CSMD2: variants seen among roughly 807,000 people sequenced by gnomAD.
The protein encoded by CSMD2 is CUB and Sushi multiple domains 2.
A neutral mutation model predicts 398.5 loss-of-function variants in CSMD2; 130 were observed. The ratio of observed to expected loss-of-function variants is 0.33; its 90% CI spans 0.28 to 0.38. CSMD2 has a LOEUF of 0.38. Ranked by LOEUF, CSMD2 falls within the 10% of genes least tolerant of loss-of-function variation. The pLI is 1.00. For missense variants in CSMD2, 3,829 were observed against 4,764.9 expected, an observed-to-expected ratio of 0.80 and a Z score of 5.78; for synonymous variants, 1,828 against 1,908.5, an observed-to-expected ratio of 0.96 and a Z score of 1.10.
intron 6 of CSMD2, among the ~76,000 whole-genome samples, chr1:33,830,020 T>C (rs1437790058): frequency 2.0e-5 from 3 of 152,216 alleles, no homozygotes; most frequent in Non-Finnish European, 4.4e-5. Flanking sequence ...TCGAACTGGG[T>C]GGAGTGCACC....
rs79839156 is a variant in CSMD2, at chr1:33,787,420, C to T, written c.1663+1180G>A. 9.7e-3 allele frequency among the ~76,000 whole-genome samples: 1,471 copies of T among 152,300 alleles called. 27 individuals are homozygous for T. Among genetic ancestry groups the T allele is most frequent in the African/African-American group, 0.032 (1,335 of 41,562 alleles). ...TGAAGGGACACCTTCTCCCCGCTCC[C>T]TGGGCCTGTCTCCCTAGTAGCCACC... On this transcript the variant is annotated intron_variant, in intron 12 of 70. Transcript: ENST00000373381.
intron 22 of CSMD2, among the ~76,000 whole-genome samples, chr1:33,707,695 GCACACACACACACACACACACACA>G (rs200504764): frequency 7.6e-5 from 7 of 92,032 alleles, no homozygotes; most frequent in Non-Finnish European, 1.0e-4. Flanking sequence ...GCGCGCGCGC[GCACACACACACACACACACACACA>G]CACACACACA....
intron 2 of CSMD2, among the ~76,000 whole-genome samples, chr1:34,086,020 G>GAAAAAAA (rs146332740): frequency 7.7e-6 from 1 of 130,192 alleles, no homozygotes; most frequent in Non-Finnish European, 1.6e-5. Flanking sequence ...AAGTTTCCTG[G>GAAAAAAA]AAAAAAAAAA....
At chr1:34,119,188 C>T (rs754872123) in intron 1 of CSMD2, among the ~76,000 whole-genome samples, 12 of 152,046 alleles carry the variant, frequency 7.9e-5, no homozygotes, top group Non-Finnish European at 1.5e-4. Context: ...GCCTCTTTAA[C>T]AAATGTTGTT....
chr1:33,979,531 C>T (rs988319196), intron 3 of CSMD2, among the ~76,000 whole-genome samples: 21 of 152,116 alleles, frequency 1.4e-4, no homozygotes, highest in African/African-American at 4.8e-4. Context: ...GCTGGCAGAG[C>T]GACTGTGAAT....
chr1:33,943,500 A>C (rs894043514), intron 3 of CSMD2, among the ~76,000 whole-genome samples: 3 of 152,184 alleles, frequency 2.0e-5, no homozygotes, highest in Non-Finnish European at 4.4e-5. Context: ...TGGCTGTTAG[A>C]ATCCTGAATC....
intron 6 of CSMD2, among the ~76,000 whole-genome samples, chr1:33,827,500 C>G (rs1333811234): frequency 1.3e-5 from 2 of 152,202 alleles, no homozygotes; most frequent in Admixed American, 6.5e-5. Context: ...TTCACTGAGG[C>G]CTTCCCTGAC....
chr1:33,877,205 C>T (rs1032028722), intron 5 of CSMD2, among the ~76,000 whole-genome samples: 6 of 152,072 alleles, frequency 3.9e-5, no homozygotes, highest in Non-Finnish European at 4.4e-5. Context: ...ATGGCTATGG[C>T]GCACAGCCCA....
chr1:33,928,732 C>T (rs1449788377), intron 4 of CSMD2, among the ~76,000 whole-genome samples: 5 of 152,186 alleles, frequency 3.3e-5, no homozygotes, highest in African/African-American at 4.8e-5. Context: ...GTTACCCTAT[C>T]GTAAAGAGTG....
rs769637555 is a variant in CSMD2, at chr1:33,716,045, C to A, written c.3217+241G>T. ...TAGGTGGGCCATGTTCAGAGCAAAT[C>A]CTAAACACCTTCATAGAATAAGAAT... On this transcript the variant is annotated intron_variant, in intron 20 of 70. Transcript: ENST00000373381. Among the ~76,000 whole-genome samples, 4 of 152,100 alleles carry A rather than the reference C, an allele frequency of 2.6e-5. No homozygotes were observed. In the East Asian group the frequency reaches 7.7e-4, roughly 29 times the overall value.
intron 41 of CSMD2, among the ~76,000 whole-genome samples, chr1:33,610,247 A>C (rs1640905287): frequency 1.3e-5 from 2 of 151,532 alleles, no homozygotes; most frequent in South Asian, 4.2e-4. Flanking sequence ...TTTTTTTACA[A>C]ACATGAATTA....
At chr1:33,576,159 C>CAT (rs1000092814) in intron 49 of CSMD2, among the ~76,000 whole-genome samples, 1 of 152,014 alleles carries the variant, frequency 6.6e-6, no homozygotes, top group African/African-American at 2.4e-5. Flanking sequence ...ATGTAATATT[C>CAT]ATAAAGATGG....
rs1655496908 is a variant in CSMD2, at chr1:33,533,887, G to C, written c.9900C>G (p.Phe3300Leu). The part of the protein sequence containing the change: ...QGYQVGSTVL[F>L]RCQKGYLLQG... ...GAAGCAGGTAGCCTTTTTGACAACG[G>C]AAGAGGACTGTGCTTCCAACCTGCG... The change falls in exon 63 of 71, where the codon TTC becomes TTG. Residue 3300 changes from phenylalanine (F) to leucine (L), a missense_variant. Phe to Leu is a conservative substitution (Grantham distance 22). Coordinates refer to ENST00000373381, the MANE Select transcript of CSMD2 (RefSeq NM_001281956.2). This position sits in a 1 kb window ranked among gnomAD's most constrained non-coding sequence, Gnocchi z 4.2. The C allele has an allele frequency of 6.2e-7, 1 of 1,613,548 alleles. No homozygotes were observed.
chr1:33,864,454 G>A (rs780396958), intron 5 of CSMD2: 18 of 1,613,660 alleles, frequency 1.1e-5, no homozygotes, highest in Middle Eastern at 3.3e-4. Flanking sequence ...CGGAGAAAGC[G>A]GGATCCCCAG....
At chr1:33,538,248 T>G (rs529851542) in intron 60 of CSMD2, among the ~76,000 whole-genome samples, 1 of 152,328 alleles carries the variant, frequency 6.6e-6, no homozygotes, top group South Asian at 2.1e-4. Flanking sequence ...GAACTTATTA[T>G]TTTTAAAGGG....
chr1:33,894,677 C>T (rs904675068), intron 5 of CSMD2, among the ~76,000 whole-genome samples: 9 of 152,182 alleles, frequency 5.9e-5, no homozygotes, highest in Non-Finnish European at 2.9e-5. Flanking sequence ...GTCACCTGTG[C>T]TTCCTAATAG....
At chr1:34,092,533 G>T (rs974771974) in intron 1 of CSMD2, among the ~76,000 whole-genome samples, 1 of 152,180 alleles carries the variant, frequency 6.6e-6, no homozygotes, top group Non-Finnish European at 1.5e-5. Flanking sequence ...GACAGTGGGC[G>T]CAGGTCAGTG....
chr1:33,911,624 G>C (rs548254101), intron 5 of CSMD2, among the ~76,000 whole-genome samples: 1 of 152,314 alleles, frequency 6.6e-6, no homozygotes, highest in Admixed American at 6.5e-5. Context: ...ATGAAATTAA[G>C]GAAATTTAAT....
At chr1:33,866,559 T>G (rs539590432) in intron 5 of CSMD2, among the ~76,000 whole-genome samples, 1 of 152,370 alleles carries the variant, frequency 6.6e-6, no homozygotes, top group African/African-American at 2.4e-5. Flanking sequence ...GCCCGCATTT[T>G]CTGCTTCATT....
Sources: gnomAD v4.1 joint callset for allele counts (sites outside exome capture counted in the v4.1 genomes callset) on GRCh38, gnomAD v4.1.1 for gene constraint, Gnocchi (gnomAD v3.1) non-coding constraint, MANE v1.5 for transcripts, NCBI Gene and HGNC (gene_info 2026-07-23, HGNC 2026-07-21) for gene names.